Variants in OPCML observed in about 807,000 individuals in gnomAD.
The protein encoded by OPCML is opioid-binding protein/cell adhesion molecule.
OPCML carries 13 observed loss-of-function variants against 37.8 expected under a neutral mutation model. That is an observed-to-expected ratio of 0.34 (90% CI 0.22 to 0.55). OPCML has a LOEUF of 0.55. OPCML is among the 20% of genes least tolerant of loss of function. OPCML has a pLI of 0.91. For missense variants in OPCML, 341 were observed against 435.6 expected, an observed-to-expected ratio of 0.78 and a Z score of 1.93; for synonymous variants, 176 against 168.8, an observed-to-expected ratio of 1.04 and a Z score of -0.33.
chr11:133,423,493 T>C (rs1222431503), intron 1 of OPCML: 2 of 985,266 alleles, frequency 2.0e-6, no homozygotes, highest in Admixed American at 1.2e-4. Context: ...CAACAAGCAG[T>C]CATAGAAGCT....
intron 1 of OPCML, among the ~76,000 whole-genome samples, chr11:133,107,046 A>G (rs1010250509): frequency 1.3e-5 from 2 of 152,208 alleles, no homozygotes; most frequent in African/African-American, 4.8e-5. Flanking sequence ...AACAAGGCCA[A>G]GGACCTCTAG....
intron 1 of OPCML, among the ~76,000 whole-genome samples, chr11:133,384,633 C>T (rs1390594364): frequency 6.6e-6 from 1 of 152,186 alleles, no homozygotes; most frequent in African/African-American, 2.4e-5. Flanking sequence ...AAAGAAAATC[C>T]CAGTGCCTTC....
intron 1 of OPCML, among the ~76,000 whole-genome samples, chr11:133,321,361 G>C (rs1258691317): frequency 6.6e-6 from 1 of 152,112 alleles, no homozygotes; most frequent in Non-Finnish European, 1.5e-5. Context: ...AGTCTAAGCA[G>C]CTCTACAAAA....
At chr11:133,260,380 G>T (rs1032665782) in intron 1 of OPCML, among the ~76,000 whole-genome samples, 1 of 152,062 alleles carries the variant, frequency 6.6e-6, no homozygotes, top group African/African-American at 2.4e-5. Context: ...GACTAAAGAG[G>T]GTCTGAGGCT....
Position 133,211,889 on chromosome 11 carries a change from G to C in OPCML, c.62-268879C>G, listed in dbSNP as rs1015815455. Among the ~76,000 whole-genome samples, 1 of 152,204 alleles carries C rather than the reference G, an allele frequency of 6.6e-6. No individual in the cohort carries two copies. Among genetic ancestry groups the C allele is most frequent in the Admixed American group, 6.5e-5 (1 of 15,278 alleles). On this transcript the variant is annotated intron_variant, in intron 1 of 7. Transcript: ENST00000524381. The surrounding 1 kb of genome is among the most constrained non-coding windows in gnomAD (Gnocchi z 4.1). ...ATAGGGAGTTAAAGAATGCAAAGTT[G>C]AAGCCAAGACTGTCTGCTTCTAAGA...
At chr11:132,816,641 GAGA>G (rs1591648206) in intron 2 of OPCML, among the ~76,000 whole-genome samples, 1 of 152,174 alleles carries the variant, frequency 6.6e-6, no homozygotes, top group East Asian at 1.9e-4. Context: ...TTACTCATGA[GAGA>G]AGAAGAAAAC....
At chr11:132,723,396 C>T (rs1361752622) in intron 2 of OPCML, among the ~76,000 whole-genome samples, 1 of 152,278 alleles carries the variant, frequency 6.6e-6, no homozygotes, top group African/African-American at 2.4e-5. Flanking sequence ...CTGGGCTCTG[C>T]TATTTCCCAC....
At chr11:132,951,133 C>T (rs1945849784) in intron 1 of OPCML, among the ~76,000 whole-genome samples, 1 of 152,188 alleles carries the variant, frequency 6.6e-6, no homozygotes, top group Non-Finnish European at 1.5e-5. Flanking sequence ...AAGCTCCTTA[C>T]ATTCACTCAT....
At chr11:132,922,280 G>A (rs1408185976) in intron 2 of OPCML, among the ~76,000 whole-genome samples, 1 of 152,082 alleles carries the variant, frequency 6.6e-6, no homozygotes, top group African/African-American at 2.4e-5. Context: ...TGGCTTGATT[G>A]GATCAGGAGT....
At chr11:132,548,927 A>G (rs1254549270) in intron 3 of OPCML, among the ~76,000 whole-genome samples, 3 of 152,230 alleles carry the variant, frequency 2.0e-5, no homozygotes, top group African/African-American at 4.8e-5. Context: ...AGACAATATT[A>G]TCCTCACTCC....
intron 2 of OPCML, among the ~76,000 whole-genome samples, chr11:132,870,962 C>T (rs1171044534): frequency 6.6e-6 from 1 of 152,042 alleles, no homozygotes; most frequent in East Asian, 1.9e-4. Context: ...ACAGAAAGAA[C>T]ATATTCAAGA....
chr11:132,814,996 T>C (rs1378612324), intron 2 of OPCML, among the ~76,000 whole-genome samples: 1 of 152,160 alleles, frequency 6.6e-6, no homozygotes, highest in African/African-American at 2.4e-5. Context: ...CGTGAGGTCT[T>C]TATTGTGAAC....
At chr11:133,020,997 C>G (rs748165733) in intron 1 of OPCML, among the ~76,000 whole-genome samples, 38 of 152,262 alleles carry the variant, frequency 2.5e-4, no homozygotes, top group Non-Finnish European at 5.0e-4. Context: ...GCCATTTAAC[C>G]TAAGACACAC....
At chr11:132,843,496 C>T (rs547768632) in intron 2 of OPCML, among the ~76,000 whole-genome samples, 3 of 152,180 alleles carry the variant, frequency 2.0e-5, no homozygotes, top group African/African-American at 7.2e-5. Flanking sequence ...CTGATACATA[C>T]CCAAGAAAGA....
At chr11:133,203,758 T>C (rs1938903861) in intron 1 of OPCML, among the ~76,000 whole-genome samples, 1 of 152,096 alleles carries the variant, frequency 6.6e-6, no homozygotes, top group Non-Finnish European at 1.5e-5. Context: ...GCAGAATAAT[T>C]TAAACAGATG....
chr11:133,394,731 C>A (rs117927660), intron 1 of OPCML, among the ~76,000 whole-genome samples: 3 of 152,280 alleles, frequency 2.0e-5, no homozygotes, highest in Non-Finnish European at 4.4e-5. Flanking sequence ...TTGCAAATGA[C>A]AGCTTCATTG....
chr11:133,232,808 G>A (rs886726745), intron 1 of OPCML, among the ~76,000 whole-genome samples: 18 of 152,150 alleles, frequency 1.2e-4, no homozygotes, highest in East Asian at 5.8e-4. Flanking sequence ...CAAACAGGTC[G>A]GACTGCCACC....
At chr11:133,507,998 A>G (rs1948072084) in intron 1 of OPCML, among the ~76,000 whole-genome samples, 1 of 152,118 alleles carries the variant, frequency 6.6e-6, no homozygotes. Flanking sequence ...TGCAAGCTGT[A>G]AGATCGTTTT....
intron 2 of OPCML, among the ~76,000 whole-genome samples, chr11:132,826,288 C>G (rs1199693622): frequency 6.6e-6 from 1 of 152,198 alleles, no homozygotes; most frequent in Non-Finnish European, 1.5e-5. Flanking sequence ...TTTGAAAGAG[C>G]AAGTTTTTGA....
Sources: gnomAD v4.1 joint callset for allele counts (sites outside exome capture counted in the v4.1 genomes callset) on GRCh38, gnomAD v4.1.1 for gene constraint, Gnocchi (gnomAD v3.1) non-coding constraint, MANE v1.5 for transcripts, NCBI Gene and HGNC (gene_info 2026-07-23, HGNC 2026-07-21) for gene names.